SREBF2: variants seen among roughly 807,000 people sequenced by gnomAD.
SREBF2 encodes the protein sterol regulatory element-binding protein 2.
Under a neutral mutation model 113.1 loss-of-function variants are expected in SREBF2, and 55 were observed. The ratio of observed to expected loss-of-function variants is 0.49; its 90% confidence interval spans 0.39 to 0.61. The LOEUF (loss-of-function observed/expected upper bound fraction) is 0.61. Ranked by LOEUF, SREBF2 falls within the 20% of genes least tolerant of loss-of-function variation. SREBF2 has a pLI of 0.00. For synonymous variants in SREBF2, 593 were observed against 605.7 expected, an observed-to-expected ratio of 0.98 and a Z score of 0.31; for missense variants, 1,349 against 1,487.4, an observed-to-expected ratio of 0.91 and a Z score of 1.53.
chr22:41,880,561 T>C (rs1462726511), intron 9 of SREBF2, among the ~76,000 whole-genome samples, 155 bp from the exon 10 acceptor site: 1 of 152,248 alleles, frequency 6.6e-6, no homozygotes, highest in East Asian at 1.9e-4. Context: ...TAGGTGGTTT[T>C]GTTTTACTTT....
intron 1 of SREBF2, among the ~76,000 whole-genome samples, chr22:41,853,760 G>T (rs1398797249): frequency 6.6e-6 from 1 of 152,154 alleles, no homozygotes; most frequent in Non-Finnish European, 1.5e-5. Context: ...GATCGGTCAG[G>T]TGCAGTGGCT....
At chr22:41,894,706 G>A (rs968407503) in intron 12 of SREBF2, 114 bp from the exon 13 acceptor site, 2 of 884,606 alleles carry the variant, frequency 2.3e-6, no homozygotes, top group South Asian at 2.6e-5. Flanking sequence ...GGTGGAGAAG[G>A]GGCATCTGAT....
intron 1 of SREBF2, among the ~76,000 whole-genome samples, chr22:41,862,395 C>T (rs2077035360): frequency 6.6e-6 from 1 of 152,174 alleles, no homozygotes; most frequent in Admixed American, 6.6e-5. Flanking sequence ...TATAAGTTTA[C>T]AAAGCAGCTA....
intron 1 of SREBF2, among the ~76,000 whole-genome samples, chr22:41,865,195 TTGG>T (rs2077064006): frequency 6.6e-6 from 1 of 151,772 alleles, no homozygotes; most frequent in Admixed American, 6.6e-5. Context: ...GAAGGACATC[TTGG>T]TGGAGGTTTG....
At chr22:41,870,525 C>G (rs1201724203) in intron 3 of SREBF2, among the ~76,000 whole-genome samples, 1 of 149,980 alleles carries the variant, frequency 6.7e-6, no homozygotes, top group Non-Finnish European at 1.5e-5. Context: ...ACTCAGGAGG[C>G]TGAGGCAGCA....
chr22:41,902,056 A>G (rs992507098), intron 16 of SREBF2, among the ~76,000 whole-genome samples: 1 of 152,214 alleles, frequency 6.6e-6, no homozygotes, highest in African/African-American at 2.4e-5. Flanking sequence ...GCCAGAAAAC[A>G]GTGTAGGCAA....
intron 1 of SREBF2, among the ~76,000 whole-genome samples, chr22:41,854,111 G>A (rs2076956240): frequency 1.3e-5 from 2 of 151,208 alleles, no homozygotes; most frequent in African/African-American, 4.9e-5. Flanking sequence ...GAGCATTTCA[G>A]TGAGTCAGTG....
rs754824834 is a variant in SREBF2 at position 41,893,213 on chromosome 22, T to G, written c.2305T>G (p.Phe769Val). 5 of 1,613,942 alleles carry G rather than the reference T, an allele frequency of 3.1e-6. No homozygotes were observed. The highest frequency in any genetic ancestry group is 4.2e-6 in the Non-Finnish European group (5 of 1,179,994). ...RWLCHPLGQK[F>V]FMERSWSVKS... ...GCTCTGCCACCCCCTGGGCCAGAAGTTTTTCATGGAGCGGAGCTGGTCTGT... is the reference window on the plus strand; with the variant it reads ...GCTCTGCCACCCCCTGGGCCAGAAGGTTTTCATGGAGCGGAGCTGGTCTGT... Residue 769 changes from phenylalanine (F) to valine (V), a missense_variant, in exon 12 of 19, where the codon TTT becomes GTT. Physicochemically the swap from Phe to Val is conservative, Grantham distance 50. Coordinates refer to ENST00000361204, the MANE Select transcript of SREBF2 (RefSeq NM_004599.4).
intron 11 of SREBF2, among the ~76,000 whole-genome samples, chr22:41,886,559 C>T (rs2077300950): frequency 1.3e-5 from 2 of 152,140 alleles, no homozygotes; most frequent in African/African-American, 4.8e-5. Context: ...TGAAGTTACC[C>T]ATGCAACACC....
intron 1 of SREBF2, among the ~76,000 whole-genome samples, chr22:41,861,013 T>C (rs1263792841): frequency 6.6e-6 from 1 of 152,224 alleles, no homozygotes; most frequent in East Asian, 1.9e-4. Flanking sequence ...AAGGATGATG[T>C]TACGTCTGTA....
intron 1 of SREBF2, among the ~76,000 whole-genome samples, chr22:41,849,936 AGACCATCCT>A (rs768820528): frequency 2.2e-5 from 3 of 136,426 alleles, no homozygotes; most frequent in Non-Finnish European, 3.1e-5. Flanking sequence ...CAGGAGATCG[AGACCATCCT>A]GACTAACATG....
chr22:41,869,946 C>T (rs966586095), intron 3 of SREBF2, among the ~76,000 whole-genome samples: 4 of 151,338 alleles, frequency 2.6e-5, no homozygotes, highest in Non-Finnish European at 5.9e-5. Context: ...ACCTCAGCCT[C>T]CTGGGTTCAA....
At chr22:41,838,433 T>A (rs183993797) in intron 1 of SREBF2, among the ~76,000 whole-genome samples, 83 of 151,968 alleles carry the variant, frequency 5.5e-4, no homozygotes, top group African/African-American at 2.0e-3. Context: ...CATGGGTTTT[T>A]AAGAAAATTG....
intron 1 of SREBF2, among the ~76,000 whole-genome samples, chr22:41,850,746 CT>C: frequency 7.7e-6 from 1 of 129,888 alleles, no homozygotes; most frequent in Non-Finnish European, 1.8e-5. Context: ...TCACTTTTTT[CT>C]TTCTTTTTGT....
At position 41,895,170 on chromosome 22, in the gene SREBF2, C is replaced by T. The variant is rs568975421; in HGVS notation, c.2495+233C>T. Among the ~76,000 whole-genome samples the T allele has an allele frequency of 1.4e-4, 21 of 148,554 alleles. No individual in the cohort carries two copies. In the East Asian group the frequency reaches 3.4e-3, roughly 24 times the overall value. ...TTTTTTTTTTTTGGAGACGGAGTCT[C>T]GCTCTGTCACTCAGGTTGGAGTGCA... On this transcript the variant is annotated intron_variant, in intron 13 of 18. Coordinates refer to ENST00000361204, the MANE Select transcript of SREBF2 (RefSeq NM_004599.4).
chr22:41,900,629 T>C, intron 16 of SREBF2, 131 bp downstream of exon 16: 1 of 986,780 alleles, frequency 1.0e-6, no homozygotes. Context: ...AGCAGCCCCC[T>C]TTCAAAAAAG....
chr22:41,860,441 T>C (rs1453356857), intron 1 of SREBF2, among the ~76,000 whole-genome samples: 2 of 152,130 alleles, frequency 1.3e-5, no homozygotes, highest in East Asian at 3.9e-4. Context: ...TTGACAGAAA[T>C]GGCTGTGAGG....
chr22:41,899,373 G>A (rs2077444826), intron 15 of SREBF2: 1 of 1,010,642 alleles, frequency 9.9e-7, no homozygotes, highest in Non-Finnish European at 1.2e-6. Flanking sequence ...TTCGGCACTA[G>A]TGATGGGCAG....
At chr22:41,886,698 G>T (rs1165447577) in intron 11 of SREBF2, among the ~76,000 whole-genome samples, 3 of 152,048 alleles carry the variant, frequency 2.0e-5, no homozygotes, top group African/African-American at 7.2e-5. Context: ...TCTGTCTATT[G>T]TTCATCATTT....
Sources: gnomAD v4.1 joint callset for allele counts (sites outside exome capture counted in the v4.1 genomes callset) on GRCh38, gnomAD v4.1.1 for gene constraint, MANE v1.5 for transcripts, NCBI Gene and HGNC (gene_info 2026-07-23, HGNC 2026-07-21) for gene names.